HS6ST2: variants seen among roughly 807,000 people sequenced by gnomAD.
HS6ST2 encodes heparan sulfate 6-O-sulfotransferase 2, also known as heparan-sulfate 6-O-sulfotransferase 2.
Under a neutral mutation model 33.0 loss-of-function variants are expected in HS6ST2, and 17 were observed. The ratio of observed to expected loss-of-function variants is 0.52; its 90% CI spans 0.35 to 0.77. HS6ST2 has a LOEUF of 0.77. Among genes scored for constraint, HS6ST2 ranks in the 30% least tolerant of loss-of-function variants. The pLI, the probability that HS6ST2 is intolerant of heterozygous loss-of-function variation, is 0.01. For missense variants in HS6ST2, 519 were observed against 551.7 expected, an observed-to-expected ratio of 0.94 and a Z score of 0.59; for synonymous variants, 248 against 237.1, an observed-to-expected ratio of 1.05 and a Z score of -0.42.
chrX:132,796,386 A>G (rs1912351807), intron 2 of HS6ST2, among the ~76,000 whole-genome samples: 1 of 112,304 alleles, frequency 8.9e-6, no homozygotes, highest in South Asian at 3.7e-4. Flanking sequence ...ATGGCACCAT[A>G]ACTGAGTCTG....
At chrX:132,839,097 A>G (rs1306576871) in intron 2 of HS6ST2, among the ~76,000 whole-genome samples, 1 of 105,640 alleles carries the variant, frequency 9.5e-6, no homozygotes, top group East Asian at 3.0e-4. Flanking sequence ...AAAAAAATAG[A>G]ACCACCATTT....
chrX:132,858,319 T>C (rs949730181), intron 2 of HS6ST2, among the ~76,000 whole-genome samples: 1 of 112,086 alleles, frequency 8.9e-6, no homozygotes, highest in African/African-American at 3.2e-5. Context: ...AGACAGGGAA[T>C]CTTGATGGTG....
intron 2 of HS6ST2, among the ~76,000 whole-genome samples, chrX:132,763,614 T>C (rs1469933855): frequency 8.9e-6 from 1 of 111,904 alleles, no homozygotes; most frequent in East Asian, 2.8e-4. Context: ...CACCAAGCCA[T>C]CAGTTTTAGG....
chrX:132,817,388 A>C (rs1246928458), intron 2 of HS6ST2, among the ~76,000 whole-genome samples: 1 of 111,207 alleles, frequency 9.0e-6, no homozygotes, highest in Non-Finnish European at 1.9e-5. Context: ...CACATAACCA[A>C]TTGGAACAAT....
chrX:132,642,425 T>C (rs1024171204), intron 4 of HS6ST2, among the ~76,000 whole-genome samples: 3 of 110,993 alleles, frequency 2.7e-5, no homozygotes, highest in Non-Finnish European at 5.7e-5. Flanking sequence ...AGATATGAAG[T>C]GCAAACCCTG....
intron 2 of HS6ST2, among the ~76,000 whole-genome samples, chrX:132,858,315 G>A (rs147757891): frequency 0.016 from 1,767 of 112,023 alleles, 18 homozygotes; most frequent in Non-Finnish European, 0.027. Flanking sequence ...TTGTAGACAG[G>A]GAATCTTGAT....
At chrX:132,892,411 C>G (rs1456201929) in intron 2 of HS6ST2, among the ~76,000 whole-genome samples, 1 of 111,818 alleles carries the variant, frequency 8.9e-6, no homozygotes, top group Admixed American at 9.5e-5. Flanking sequence ...TCTGCATTTC[C>G]CAAGATTCCC....
chrX:132,787,167 GTATATATATATATATATATACATATA>G (rs1245812431), intron 2 of HS6ST2, among the ~76,000 whole-genome samples: 2 of 51,391 alleles, frequency 3.9e-5, no homozygotes, highest in Non-Finnish European at 6.5e-5. Flanking sequence ...ATATATATAT[GTATATATATATATATATATACATATA>G]TATATACACA....
intron 2 of HS6ST2, among the ~76,000 whole-genome samples, chrX:132,866,354 C>A (rs1397009835): frequency 2.9e-5 from 3 of 102,195 alleles, no homozygotes; most frequent in Non-Finnish European, 4.0e-5. Context: ...GTTTTGGTAC[C>A]AGTACCATGC....
intron 4 of HS6ST2, among the ~76,000 whole-genome samples, chrX:132,665,541 A>G (rs1342353740): frequency 1.8e-5 from 2 of 111,981 alleles, no homozygotes; most frequent in Middle Eastern, 4.6e-3. Context: ...ACACATGCCC[A>G]GCTTTGACAG....
chrX:132,892,323 A>AC (rs1240720756), intron 2 of HS6ST2, among the ~76,000 whole-genome samples: 15 of 112,068 alleles, frequency 1.3e-4, no homozygotes, highest in Non-Finnish European at 2.1e-4. Context: ...TGGTCCATGG[A>AC]TCAGTAGCAG....
At chrX:132,830,775 A>T (rs976547462) in intron 2 of HS6ST2, among the ~76,000 whole-genome samples, 1 of 111,689 alleles carries the variant, frequency 9.0e-6, no homozygotes, top group Non-Finnish European at 1.9e-5. Flanking sequence ...TTGATGGTCC[A>T]GTTACAAGAT....
chrX:132,881,547 G>A (rs772034698), intron 2 of HS6ST2, among the ~76,000 whole-genome samples: 1 of 111,305 alleles, frequency 9.0e-6, no homozygotes, highest in South Asian at 3.9e-4. Context: ...TGGGTAGATT[G>A]CAAAAATTTT....
At chrX:132,788,456 C>G (rs1261298148) in intron 2 of HS6ST2, among the ~76,000 whole-genome samples, 1 of 111,415 alleles carries the variant, frequency 9.0e-6, no homozygotes, top group African/African-American at 3.3e-5. Flanking sequence ...CTCTCTCCCT[C>G]TCCTTGGGCC....
At chrX:132,753,689 G>C (rs1162914549) in intron 2 of HS6ST2, among the ~76,000 whole-genome samples, 5 of 111,559 alleles carry the variant, frequency 4.5e-5, no homozygotes, top group African/African-American at 1.6e-4. Flanking sequence ...CATGAGAACA[G>C]ACTAATACAA....
rs763297174 is a variant in HS6ST2, at chrX:132,752,377, CAGG to C, written c.948-43886_948-43884del. On this transcript the variant is annotated intron_variant, in intron 2 of 4. Transcript: ENST00000370833. ...GTCACAACTACTTGGGTGACTGAAG[CAGG>C]AGAATTGCTTGAATCTGGGAGGCGG... Among the ~76,000 whole-genome samples the C allele has an allele frequency of 4.7e-5, 5 of 105,762 alleles. No individual in the cohort carries two copies. In the East Asian group the frequency reaches 1.2e-3, roughly 25 times the overall value. The allele number at this position is 105,762 out of a possible 115,157, so 91.8% of individuals were successfully genotyped here.
chrX:132,957,571 C>G (rs1320205215), intron 1 of HS6ST2, among the ~76,000 whole-genome samples: 1 of 110,027 alleles, frequency 9.1e-6, no homozygotes, highest in Admixed American at 9.5e-5. Context: ...TTCCCGCGGG[C>G]CGTTCGCCCC....
chrX:132,912,126 C>G (rs753882013), intron 2 of HS6ST2, among the ~76,000 whole-genome samples: 1 of 112,657 alleles, frequency 8.9e-6, no homozygotes, highest in African/African-American at 3.2e-5. Context: ...ATCTCCATTG[C>G]AAAGTAACAA....
chrX:132,657,658 G>A (rs1266003707), intron 4 of HS6ST2, among the ~76,000 whole-genome samples: 1 of 107,907 alleles, frequency 9.3e-6, no homozygotes, highest in Non-Finnish European at 1.9e-5. Context: ...GGTGATGCCA[G>A]GAGGAGTGAT....
Sources: gnomAD v4.1 joint callset for allele counts (sites outside exome capture counted in the v4.1 genomes callset) on GRCh38, gnomAD v4.1.1 for gene constraint, MANE v1.5 for transcripts, NCBI Gene and HGNC (gene_info 2026-07-23, HGNC 2026-07-21) for gene names.